Variants in PTPRD observed in about 807,000 individuals in gnomAD.
PTPRD encodes the protein receptor-type tyrosine-protein phosphatase delta.
PTPRD carries 34 observed loss-of-function variants against 214.5 expected under a neutral mutation model. The ratio of observed to expected loss-of-function variants is 0.16; its 90% confidence interval spans 0.12 to 0.21. The LOEUF is 0.21. Among genes scored for constraint, PTPRD ranks in the 10% least tolerant of loss-of-function variants. PTPRD has a pLI of 1.00. For synonymous variants in PTPRD, 1,128 were observed against 845.7 expected (o/e 1.33, Z -5.79); for missense variants, 2,545 against 2,398.7 (o/e 1.06, Z -1.27).
chr9:10,429,559 G>C (rs144571418), intron 2 of PTPRD, among the ~76,000 whole-genome samples: 1 of 151,958 alleles, frequency 6.6e-6, no homozygotes, highest in South Asian at 2.1e-4. Context: ...ATTATCTTAA[G>C]TGAAACAAGC....
intron 34 of PTPRD, among the ~76,000 whole-genome samples, chr9:8,447,596 A>G (rs2095784546): frequency 6.6e-6 from 1 of 152,160 alleles, no homozygotes; most frequent in South Asian, 2.1e-4. Flanking sequence ...ACCTGCAGTC[A>G]CCAGCACCTC....
At chr9:10,326,567 T>C (rs1173028653) in intron 3 of PTPRD, among the ~76,000 whole-genome samples, 1 of 151,684 alleles carries the variant, frequency 6.6e-6, no homozygotes, top group African/African-American at 2.4e-5. Context: ...TACACCCATT[T>C]TTTACTTTCA....
chr9:9,474,111 A>C (rs563663926), intron 8 of PTPRD, among the ~76,000 whole-genome samples: 2 of 152,114 alleles, frequency 1.3e-5, no homozygotes, highest in South Asian at 2.1e-4. Context: ...TTAAGTCTTT[A>C]TGCATTTTCA....
intron 3 of PTPRD, among the ~76,000 whole-genome samples, chr9:10,326,054 G>T (rs569174496): frequency 6.6e-6 from 1 of 151,734 alleles, no homozygotes; most frequent in South Asian, 2.1e-4. Flanking sequence ...CTGATTAATT[G>T]TAAGGTAGAT....
chr9:8,453,539 A>C (rs1478859837), intron 33 of PTPRD, among the ~76,000 whole-genome samples: 1 of 152,202 alleles, frequency 6.6e-6, no homozygotes, highest in Non-Finnish European at 1.5e-5. Flanking sequence ...ACTATTTTGC[A>C]CGTGTTTTTC....
chr9:9,425,134 G>C (rs147409406), intron 8 of PTPRD, among the ~76,000 whole-genome samples: 1 of 152,006 alleles, frequency 6.6e-6, no homozygotes, highest in Non-Finnish European at 1.5e-5. Context: ...TATGAAGAGA[G>C]TAAGAGGCCA....
chr9:9,918,374 C>G (rs1397113684), intron 5 of PTPRD, among the ~76,000 whole-genome samples: 1 of 123,244 alleles, frequency 8.1e-6, no homozygotes, highest in Non-Finnish European at 1.8e-5. Flanking sequence ...AAAAAAACTC[C>G]ACAATGAAAA....
At chr9:9,124,501 A>G (rs77192662) in intron 10 of PTPRD, among the ~76,000 whole-genome samples, 2,165 of 152,308 alleles carry the variant, frequency 0.014, 40 homozygotes, top group East Asian at 0.071. Context: ...CAAAATGGCC[A>G]TAATTGCTTT....
chr9:8,807,506 CAT>C (rs2096711155), intron 11 of PTPRD, among the ~76,000 whole-genome samples: 1 of 151,924 alleles, frequency 6.6e-6, no homozygotes, highest in East Asian at 1.9e-4. Flanking sequence ...AGCAACTACA[CAT>C]GAGGAGAGAA....
intron 10 of PTPRD, among the ~76,000 whole-genome samples, chr9:9,090,000 A>G (rs2099773272): frequency 6.6e-6 from 1 of 152,206 alleles, no homozygotes; most frequent in African/African-American, 2.4e-5. Context: ...ACATGCATAC[A>G]TGTGTAATGA....
intron 35 of PTPRD, among the ~76,000 whole-genome samples, chr9:8,412,880 C>T (rs948312182): frequency 6.6e-6 from 1 of 152,162 alleles, no homozygotes; most frequent in Non-Finnish European, 1.5e-5. Flanking sequence ...ATGGTTCTCA[C>T]TTTTTGCATT....
intron 8 of PTPRD, among the ~76,000 whole-genome samples, chr9:9,490,225 A>G (rs912593207): frequency 6.6e-6 from 1 of 152,124 alleles, no homozygotes; most frequent in African/African-American, 2.4e-5. Flanking sequence ...GGAGTTTGTT[A>G]CCACTAAACC....
At chr9:10,467,831 T>C (rs1427181567) in intron 2 of PTPRD, among the ~76,000 whole-genome samples, 2 of 152,120 alleles carry the variant, frequency 1.3e-5, no homozygotes, top group South Asian at 2.1e-4. Context: ...TTTGTCATCA[T>C]TCAAGTAAAA....
rs147701552 is a variant in PTPRD, at chr9:9,089,909, T to C, written c.-142-71174A>G. On this transcript the variant is annotated intron_variant, in intron 10 of 45. Coordinates refer to ENST00000381196, the MANE Select transcript of PTPRD (RefSeq NM_002839.4). ...TGAAAAATGAAAAGAGACAAGTTTA[T>C]TTTGAAATCTTTTCCAGTTTTTATT... is the stretch of plus-strand genomic sequence containing the variant. 1.4e-4 allele frequency among the ~76,000 whole-genome samples: 22 copies of C among 152,324 alleles called. No individual in the cohort carries two copies. The East Asian group carries it at 3.9e-3, about 27-fold the overall frequency.
intron 11 of PTPRD, among the ~76,000 whole-genome samples, chr9:8,887,268 C>T (rs992244218): frequency 2.0e-5 from 3 of 152,114 alleles, no homozygotes; most frequent in Non-Finnish European, 2.9e-5. Flanking sequence ...TTGAGACCCC[C>T]AAGACTGGTT....
chr9:9,072,800 A>C (rs1375973920), intron 10 of PTPRD, among the ~76,000 whole-genome samples: 1 of 152,220 alleles, frequency 6.6e-6, no homozygotes, highest in African/African-American at 2.4e-5. Flanking sequence ...AGAATGTTAC[A>C]TGGAGTCACA....
intron 3 of PTPRD, among the ~76,000 whole-genome samples, chr9:10,208,307 G>T (rs1260360605): frequency 6.6e-6 from 1 of 152,218 alleles, no homozygotes; most frequent in South Asian, 2.1e-4. Context: ...GAGGTCAGGA[G>T]ATCGACGCCA....
At chr9:9,052,583 T>C (rs919075649) in intron 10 of PTPRD, among the ~76,000 whole-genome samples, 1 of 152,194 alleles carries the variant, frequency 6.6e-6, no homozygotes, top group Non-Finnish European at 1.5e-5. Flanking sequence ...TCAGAAATGG[T>C]AAGTCATACA....
chr9:9,911,589 A>T (rs1027831826), intron 5 of PTPRD, among the ~76,000 whole-genome samples: 1 of 152,098 alleles, frequency 6.6e-6, no homozygotes, highest in African/African-American at 2.4e-5. Context: ...TCTGGAAAAC[A>T]ATTATTTCAT....
Sources: gnomAD v4.1 joint callset for allele counts (sites outside exome capture counted in the v4.1 genomes callset) on GRCh38, gnomAD v4.1.1 for gene constraint, MANE v1.5 for transcripts, NCBI Gene and HGNC (gene_info 2026-07-23, HGNC 2026-07-21) for gene names.